PDE1B: variants seen among roughly 807,000 people sequenced by gnomAD.
The protein encoded by PDE1B is dual specificity calcium/calmodulin-dependent 3',5'-cyclic nucleotide phosphodiesterase 1B.
In PDE1B, 13 loss-of-function variants were observed where a neutral mutation model predicts 66.7. The ratio of observed to expected loss-of-function variants is 0.19; its 90% CI spans 0.13 to 0.31. The LOEUF (loss-of-function observed/expected upper bound fraction) is 0.31. Among genes scored for constraint, PDE1B ranks in the 10% least tolerant of loss-of-function variants. PDE1B has a pLI of 1.00. For missense variants in PDE1B, 485 were observed against 682.3 expected, an observed-to-expected ratio of 0.71 and a Z score of 3.22; for synonymous variants, 230 against 253.9, an observed-to-expected ratio of 0.91 and a Z score of 0.90.
Position 54,573,677 on chromosome 12 carries a change from G to A in PDE1B, c.1032G>A (p.Lys344=), listed in dbSNP as rs748429973. The change falls in exon 10 of 16, where the codon AAG becomes AAA. Residue 344 remains lysine, a synonymous_variant. Coordinates refer to ENST00000243052, the MANE Select transcript of PDE1B (RefSeq NM_000924.4). This position sits in a 1 kb window ranked among gnomAD's most constrained non-coding sequence, Gnocchi z 5.2. ...TDMSCHFQQV[K]TMKTALQQLE... ...TGTCCTGCCATTTCCAGCAAGTGAA[G>A]ACCATGAAGACAGCCTTGCAACAGC... The A allele has an allele frequency of 6.2e-7, 1 of 1,614,118 alleles. No homozygotes were observed. The highest frequency in any genetic ancestry group is 1.1e-5 in the South Asian group (1 of 91,064).
chr12:54,575,725 C>A lies in PDE1B; in HGVS notation c.1267+93C>A. 1 of 960,140 alleles carries A rather than the reference C, an allele frequency of 1.0e-6. No homozygotes were observed. The highest frequency in any genetic ancestry group is 1.7e-6 in the Non-Finnish European group (1 of 597,084). The allele number at this position is 960,140 out of a possible 1,614,324, so 59.5% of individuals were successfully genotyped here. A position where few individuals can be genotyped will look rare whatever the true frequency, so the allele number is the denominator to read the frequency against. The stretch of plus-strand genomic sequence containing the variant: ...GCTCCAAGTCCTCAATCCCCCCAAA[C>A]CATTCTTCCTGTAGAGGAAAGCCTA... On this transcript the variant is annotated intron_variant, in intron 12 of 15. Coordinates refer to ENST00000243052, the MANE Select transcript of PDE1B (RefSeq NM_000924.4). This position sits in a 1 kb window ranked among gnomAD's most constrained non-coding sequence, Gnocchi z 4.0.
chr12:54,565,155 C>G (rs557119480), intron 2 of PDE1B, among the ~76,000 whole-genome samples: 13 of 152,298 alleles, frequency 8.5e-5, no homozygotes, highest in African/African-American at 2.9e-4. Flanking sequence ...GAGAAGGGAA[C>G]TGGAAGAACT....
intron 2 of PDE1B, among the ~76,000 whole-genome samples, chr12:54,550,885 T>C (rs1208746922): frequency 1.3e-5 from 2 of 152,062 alleles, no homozygotes. Flanking sequence ...AAAAAGAGGA[T>C]TGGGTCAAAG....
intron 2 of PDE1B, among the ~76,000 whole-genome samples, chr12:54,561,893 GTGACTTATCAT>G (rs1957423361): frequency 6.6e-6 from 1 of 151,940 alleles, no homozygotes; most frequent in Admixed American, 6.6e-5. Context: ...ACTATGGTAG[GTGACTTATCAT>G]TGTTTCTTCC....
At chr12:54,567,504 AAAAT>A (rs139523344) in intron 3 of PDE1B, among the ~76,000 whole-genome samples, 60 of 6,272 alleles carry the variant, frequency 9.6e-3, no homozygotes, top group East Asian at 0.17. Context: ...ACCCTGTCTC[AAAAT>A]AAATAAATAA....
chr12:54,566,922 T>G, intron 2 of PDE1B, 52 bp from the exon 3 acceptor site: 1 of 895,090 alleles, frequency 1.1e-6, no homozygotes, highest in Non-Finnish European at 1.8e-6. Context: ...TATGCTGTTC[T>G]CATGATAAGG....
chr12:54,571,136 G>A lies in PDE1B; in HGVS notation c.594+779G>A, dbSNP rs1957608576. The stretch of plus-strand genomic sequence containing the variant: ...AGAGAGGGGCGGTCAAAGGAGTCCA[G>A]GTGGAGGGTCCCCTCCCAGGCCGGC... On this transcript the variant is annotated intron_variant, in intron 6 of 15. Transcript: ENST00000243052. 1.3e-5 allele frequency: 2 copies of A among 152,232 alleles called. 1 individual carries two copies. Among genetic ancestry groups the A allele is most frequent in the Non-Finnish European group, 2.9e-5 (2 of 68,072 alleles). 9.4% of individuals were successfully genotyped at this position (152,232 alleles called of 1,614,324 possible). A position where few individuals can be genotyped will look rare whatever the true frequency, so the allele number is the denominator to read the frequency against.
rs1957754030 is a variant in PDE1B at position 54,576,577 on chromosome 12, G to A, written c.1383G>A (p.Gln461=). The A allele has an allele frequency of 6.2e-7, 1 of 1,614,062 alleles. No homozygotes were observed. Among genetic ancestry groups the A allele is most frequent in the Non-Finnish European group, 8.5e-7 (1 of 1,180,002 alleles). The change falls in exon 14 of 16, where the codon CAG becomes CAA. Residue 461 remains glutamine (Q), a synonymous_variant. Coordinates refer to ENST00000243052, the MANE Select transcript of PDE1B (RefSeq NM_000924.4). ...DSKSKNQPSF[Q]WRQPSLDVEV... Reference sequence around the variant, plus strand: ...TTGGGGGTTCTGCTTCTAGCTTTCAGTGGCGCCAGCCCTCTCTGGATGTGG... The same window carrying A: ...TTGGGGGTTCTGCTTCTAGCTTTCAATGGCGCCAGCCCTCTCTGGATGTGG...
rs566660577 is a variant in PDE1B at position 54,560,077 on chromosome 12, C to A, written c.114-6897C>A. 1.2e-4 allele frequency among the ~76,000 whole-genome samples: 18 copies of A among 152,170 alleles called. 1 individual carries two copies. The East Asian group carries it at 2.5e-3, about 21-fold the overall frequency. The stretch of plus-strand genomic sequence containing the variant: ...GGATACAGAGAGAGTGGGTTTCTTC[C>A]CTCCCAAGATCTGCAGCAGCCCTGC... On this transcript the variant is annotated intron_variant, in intron 2 of 15. Transcript: ENST00000243052.
intron 2 of PDE1B, among the ~76,000 whole-genome samples, chr12:54,566,461 G>A (rs141333861): frequency 6.6e-6 from 1 of 152,334 alleles, no homozygotes; most frequent in African/African-American, 2.4e-5. Context: ...CAGGCACAGA[G>A]GGGCTGTGGA....
chr12:54,570,082 C>G (rs1262138027), intron 5 of PDE1B, among the ~76,000 whole-genome samples, 159 bp from the exon 6 acceptor site: 2 of 152,128 alleles, frequency 1.3e-5, no homozygotes, highest in Non-Finnish European at 2.9e-5. Flanking sequence ...CTTCCTGTCT[C>G]TCCCATACTG....
At position 54,567,893 on chromosome 12, in the gene PDE1B, G is replaced by A. The variant is rs1592377905; in HGVS notation, c.227+806G>A. On this transcript the variant is annotated intron_variant, in intron 3 of 15. Coordinates refer to ENST00000243052, the MANE Select transcript of PDE1B (RefSeq NM_000924.4). ...TTGTTTTGAGACAGAGTTTACTCTT[G>A]TTGCCCAGGCTGAAGGGCAATGGTG... Among the ~76,000 whole-genome samples, 5 of 151,588 alleles carry A rather than the reference G, an allele frequency of 3.3e-5. 1 individual carries two copies. The Middle Eastern group carries it at 0.014, about 412-fold the overall frequency.
chr12:54,557,753 T>C (rs528070542), intron 2 of PDE1B, among the ~76,000 whole-genome samples: 5 of 152,236 alleles, frequency 3.3e-5, no homozygotes, highest in Admixed American at 2.0e-4. Flanking sequence ...GCTGTTAGGA[T>C]GTAGTTTGGA....
chr12:54,577,483 A>G (rs1957781093), intron 15 of PDE1B, 138 bp downstream of exon 15: 1 of 1,597,630 alleles, frequency 6.3e-7, no homozygotes, highest in Admixed American at 1.7e-5. Flanking sequence ...AAGACATAGA[A>G]TGGAGCCAAA....
At chr12:54,577,624 C>T in intron 15 of PDE1B, 1 of 1,413,336 alleles carries the variant, frequency 7.1e-7, no homozygotes, top group Non-Finnish European at 9.4e-7. Flanking sequence ...ACCTGCACCG[C>T]ACCTTAGGGA....
At position 54,569,711 on chromosome 12, in the gene PDE1B, T is replaced by TG; in HGVS notation, c.477+99_477+100insG. ...TATGGCATTATTTTTGCCTTCCTTT[T>TG]TTTTTTTTGAAATGGAGTCTCGCTC... On this transcript the variant is annotated intron_variant, in intron 5 of 15. Transcript: ENST00000243052. The surrounding 1 kb of genome is among the most constrained non-coding windows in gnomAD (Gnocchi z 4.4). 1 of 823,608 alleles carries TG rather than the reference T, an allele frequency of 1.2e-6. No homozygotes were observed. The highest frequency in any genetic ancestry group is 1.7e-5 in the African/African-American group (1 of 58,050). The allele number at this position is 823,608 out of a possible 1,614,324, so 51.0% of individuals were successfully genotyped here. A position where few individuals can be genotyped will look rare whatever the true frequency, so the allele number is the denominator to read the frequency against.
intron 2 of PDE1B, among the ~76,000 whole-genome samples, chr12:54,558,108 A>T (rs1052498751): frequency 1.3e-5 from 2 of 152,128 alleles, no homozygotes; most frequent in African/African-American, 4.8e-5. Context: ...CACCTGTTAG[A>T]AACGGCTTCT....
In PDE1B at chr12:54,549,854, C is replaced by A. The variant is rs1592359863; in HGVS notation, c.-13-6C>A. On this transcript the variant is annotated splice_polypyrimidine_tract_variant and splice_region_variant and intron_variant, in intron 1 of 15. Coordinates refer to ENST00000243052, the MANE Select transcript of PDE1B (RefSeq NM_000924.4). ...CGAGGTGCTGTCTCCTCCTTCTGTTCCGTAGACCGTGGCTGAGCATGGAGC... is the reference window on the plus strand; with the variant it reads ...CGAGGTGCTGTCTCCTCCTTCTGTTACGTAGACCGTGGCTGAGCATGGAGC... 2.5e-6 allele frequency: 4 copies of A among 1,593,946 alleles called. No homozygotes were observed. The African/African-American group carries it at 5.4e-5, about 21-fold the overall frequency.
Position 54,553,438 on chromosome 12 carries a change from C to T in PDE1B, c.113+3453C>T, listed in dbSNP as rs1301648252. Among the ~76,000 whole-genome samples, 3 of 152,138 alleles carry T rather than the reference C, an allele frequency of 2.0e-5. No individual in the cohort carries two copies. The East Asian group carries it at 5.8e-4, about 29-fold the overall frequency. On this transcript the variant is annotated intron_variant, in intron 2 of 15. Coordinates refer to ENST00000243052, the MANE Select transcript of PDE1B (RefSeq NM_000924.4). ...ACTCGGGACCCTCAAAGTCTAGGCT[C>T]AATGTTCTATGCTGTGGTTCAAGGT...
Sources: allele counts gnomAD v4.1 joint callset (sites outside exome capture counted in the v4.1 genomes callset), GRCh38; gene constraint gnomAD v4.1.1; non-coding constraint Gnocchi (gnomAD v3.1); transcripts MANE v1.5; gene names NCBI Gene and HGNC (gene_info 2026-07-23, HGNC 2026-07-21).